The following PTPRM variants were observed in gnomAD, a reference collection of about 807,000 sequenced individuals.
The protein encoded by PTPRM is protein tyrosine phosphatase receptor type M, also known as receptor-type tyrosine-protein phosphatase mu.
Under a neutral mutation model 186.7 loss-of-function variants are expected in PTPRM, and 47 were observed. That is an observed-to-expected ratio of 0.25 (90% CI 0.20 to 0.32). PTPRM has a LOEUF of 0.32. Among genes scored for constraint, PTPRM ranks in the 10% least tolerant of loss-of-function variants. PTPRM has a pLI of 1.00. For missense variants in PTPRM, 1,494 were observed against 1,865.0 expected, an observed-to-expected ratio of 0.80 and a Z score of 3.66; for synonymous variants, 668 against 674.9, an observed-to-expected ratio of 0.99 and a Z score of 0.16.
chr18:8,028,291 C>T (rs569700628), intron 7 of PTPRM, among the ~76,000 whole-genome samples: 6 of 152,170 alleles, frequency 3.9e-5, no homozygotes, highest in African/African-American at 9.7e-5. Flanking sequence ...TGTGCACCAC[C>T]GTGCCCAGCC....
At chr18:8,233,966 C>T (rs904238854) in intron 14 of PTPRM, among the ~76,000 whole-genome samples, 3 of 152,156 alleles carry the variant, frequency 2.0e-5, no homozygotes, top group Non-Finnish European at 4.4e-5. Context: ...TCTCTCTCTT[C>T]TGTCCTAGTG....
intron 1 of PTPRM, among the ~76,000 whole-genome samples, chr18:7,605,783 G>T (rs1404996298): frequency 2.6e-5 from 4 of 152,324 alleles, no homozygotes; most frequent in African/African-American, 9.6e-5. Context: ...GGAGAGGTCT[G>T]CCGTGTTGTC....
chr18:8,334,351 C>A (rs980071315), intron 22 of PTPRM, among the ~76,000 whole-genome samples: 1 of 152,246 alleles, frequency 6.6e-6, no homozygotes, highest in Non-Finnish European at 1.5e-5. Flanking sequence ...ATCCACCAAT[C>A]CCCTGGTTCC....
intron 7 of PTPRM, among the ~76,000 whole-genome samples, chr18:8,047,947 T>A (rs1038069032): frequency 2.0e-5 from 3 of 152,186 alleles, no homozygotes; most frequent in African/African-American, 7.2e-5. Flanking sequence ...ACGGAACAGA[T>A]GATAGGCCTC....
At chr18:7,848,535 G>T (rs995535400) in intron 2 of PTPRM, among the ~76,000 whole-genome samples, 1 of 152,144 alleles carries the variant, frequency 6.6e-6, no homozygotes, top group Non-Finnish European at 1.5e-5. Context: ...ATTTTGGGAG[G>T]CTGAGGCAGG....
intron 1 of PTPRM, among the ~76,000 whole-genome samples, chr18:7,660,127 A>G (rs753679880): frequency 6.6e-6 from 1 of 152,162 alleles, no homozygotes; most frequent in Admixed American, 6.5e-5. Flanking sequence ...ACTTGAGGTC[A>G]GTAGTTCAAG....
intron 14 of PTPRM, among the ~76,000 whole-genome samples, chr18:8,172,536 C>G (rs1016264031): frequency 2.0e-5 from 3 of 152,030 alleles, no homozygotes; most frequent in Admixed American, 6.6e-5. Flanking sequence ...CATATTGAAT[C>G]AGAATGCAGG....
intron 5 of PTPRM, among the ~76,000 whole-genome samples, chr18:7,942,406 G>A (rs1376486720): frequency 6.6e-6 from 1 of 152,098 alleles, no homozygotes; most frequent in South Asian, 2.1e-4. Flanking sequence ...TGTGATTGAG[G>A]GACAACAGGG....
intron 1 of PTPRM, among the ~76,000 whole-genome samples, chr18:7,715,852 TGA>T (rs1441298936): frequency 5.3e-5 from 8 of 152,012 alleles, no homozygotes; most frequent in Non-Finnish European, 1.0e-4. Flanking sequence ...CTCAAGGAAA[TGA>T]GAGAGAAGAC....
chr18:8,184,377 C>T (rs1466244716), intron 14 of PTPRM, among the ~76,000 whole-genome samples: 1 of 152,184 alleles, frequency 6.6e-6, no homozygotes, highest in Non-Finnish European at 1.5e-5. Context: ...AGGGTAAAGT[C>T]CCACTGACTT....
chr18:7,791,941 A>G (rs1168046176), intron 2 of PTPRM, among the ~76,000 whole-genome samples: 1 of 152,214 alleles, frequency 6.6e-6, no homozygotes, highest in Non-Finnish European at 1.5e-5. Flanking sequence ...TTATTAAACC[A>G]TACCCTAATA....
At chr18:8,048,423 G>T (rs958613401) in intron 7 of PTPRM, among the ~76,000 whole-genome samples, 3 of 151,660 alleles carry the variant, frequency 2.0e-5, no homozygotes, top group African/African-American at 7.3e-5. Context: ...TGCCATTCCA[G>T]TTGTCAGTGG....
intron 1 of PTPRM, among the ~76,000 whole-genome samples, chr18:7,734,439 C>T (rs2040725227): frequency 6.6e-6 from 1 of 152,162 alleles, no homozygotes; most frequent in Non-Finnish European, 1.5e-5. Flanking sequence ...TTCATGTCTA[C>T]TTAAGAGTTT....
intron 22 of PTPRM, among the ~76,000 whole-genome samples, chr18:8,342,368 A>G (rs2095479865): frequency 6.6e-6 from 1 of 152,250 alleles, no homozygotes; most frequent in Non-Finnish European, 1.5e-5. Context: ...TGATCAGTAT[A>G]TAAAGAAAGA....
chr18:8,387,084 T>A lies in PTPRM; in HGVS notation c.4057T>A (p.Tyr1353Asn). 1 of 1,607,064 alleles carries A rather than the reference T, an allele frequency of 6.2e-7. No homozygotes were observed. The change falls in exon 31 of 33, where the codon TAT (tyrosine) becomes AAT (asparagine). Residue 1353 changes from tyrosine (Y) to asparagine (N), a missense_variant. Physicochemically the swap from Tyr to Asn is moderately radical, Grantham distance 143. Transcript: ENST00000580170. ...TTGTTCTTCGTAGCCCCAAGATGGA[T>A]ATCGGATGGTGCAGCAATTCCAGTT... ...IYNAARPQDG[Y>N]RMVQQFQFLG...
At chr18:8,247,743 A>C in intron 15 of PTPRM, 102 bp from the exon 16 acceptor site, 1 of 799,614 alleles carries the variant, frequency 1.3e-6, no homozygotes, top group East Asian at 2.4e-5. Flanking sequence ...TCCCGGAGTC[A>C]CCGTGGGTAG....
At chr18:7,907,274 C>T (rs1182079120) in intron 4 of PTPRM, among the ~76,000 whole-genome samples, 1 of 152,220 alleles carries the variant, frequency 6.6e-6, no homozygotes. Flanking sequence ...CTGGTTGTTG[C>T]ACCTGTTATG....
intron 2 of PTPRM, among the ~76,000 whole-genome samples, chr18:7,865,086 G>A (rs1485608758): frequency 6.6e-6 from 1 of 152,184 alleles, no homozygotes; most frequent in East Asian, 1.9e-4. Flanking sequence ...GTCAGCTTAT[G>A]GAGATTTTGG....
At position 8,244,231 on chromosome 18, in the gene PTPRM, C is replaced by T. The variant is rs2094457104; in HGVS notation, c.2452+22C>T. The T allele has an allele frequency of 4.7e-6, 7 of 1,504,696 alleles. No individual in the cohort carries two copies. The East Asian group carries it at 1.8e-4, about 39-fold the overall frequency. 93.2% of individuals were successfully genotyped at this position (1,504,696 alleles called of 1,614,324 possible). A position where few individuals can be genotyped will look rare whatever the true frequency, so the allele number is the denominator to read the frequency against. On this transcript the variant is annotated intron_variant, in intron 15 of 32. Transcript: ENST00000580170. ...AGATGTAAGTGCATATGTTTCTTGG[C>T]TTCTAACACATCTCCTTGGTTTTGC...
Sources: allele counts gnomAD v4.1 joint callset (sites outside exome capture counted in the v4.1 genomes callset), GRCh38; gene constraint gnomAD v4.1.1; transcripts MANE v1.5; gene names NCBI Gene and HGNC (gene_info 2026-07-23, HGNC 2026-07-21).